Variants in GABRG3 observed in about 807,000 individuals in gnomAD.
GABRG3 encodes gamma-aminobutyric acid receptor subunit gamma-3.
GABRG3 carries 25 observed loss-of-function variants against 48.8 expected under a neutral mutation model. That is an observed-to-expected ratio of 0.51 (90% CI 0.37 to 0.72). The LOEUF (loss-of-function observed/expected upper bound fraction) is 0.72, where lower values mean the gene tolerates loss of function less well. GABRG3 is among the 30% of genes least tolerant of loss of function. The probability of loss-of-function intolerance (pLI) is 0.00; values close to 1 mark genes in which losing one functional copy is unlikely to be tolerated. For synonymous variants in GABRG3, 227 were observed against 217.6 expected (o/e 1.04, Z -0.38); for missense variants, 394 against 577.9 (o/e 0.68, Z 3.26).
chr15:27,241,782 A>G (rs1379886863), intron 3 of GABRG3, among the ~76,000 whole-genome samples: 1 of 152,162 alleles, frequency 6.6e-6, no homozygotes, highest in Non-Finnish European at 1.5e-5. Flanking sequence ...ATTTCTTCTC[A>G]CGCTATGTCT....
chr15:27,378,038 T>C (rs1475795267), intron 5 of GABRG3, among the ~76,000 whole-genome samples: 2 of 152,154 alleles, frequency 1.3e-5, no homozygotes, highest in Non-Finnish European at 2.9e-5. Flanking sequence ...TTACAGAGGA[T>C]TAACTGGCCC....
intron 3 of GABRG3, among the ~76,000 whole-genome samples, chr15:27,120,491 G>C (rs1293609156): frequency 1.3e-5 from 2 of 152,108 alleles, no homozygotes; most frequent in Non-Finnish European, 2.9e-5. Flanking sequence ...GTGGAATTCT[G>C]GCTATTGCTT....
At chr15:27,062,503 G>T (rs1182830270) in intron 3 of GABRG3, among the ~76,000 whole-genome samples, 1 of 149,188 alleles carries the variant, frequency 6.7e-6, no homozygotes, top group Admixed American at 6.9e-5. Context: ...AGCTACTCAG[G>T]AGGCTGAGGC....
chr15:27,145,665 T>TGTCTATCTATCTATC lies in GABRG3; in HGVS notation c.270+118846_270+118847insCTATCTATCTATCGT, dbSNP rs1898197231. ...TCTATCTATCTATCTATCTATCTAT[T>TGTCTATCTATCTATC]GTGCCAGAAGGAGAGGTGAGAAAGA... On this transcript the variant is annotated intron_variant, in intron 3 of 9. Coordinates refer to ENST00000615808, the MANE Select transcript of GABRG3 (RefSeq NM_033223.5). Among the ~76,000 whole-genome samples the TGTCTATCTATCTATC allele has an allele frequency of 3.6e-5, 5 of 138,444 alleles. No individual in the cohort carries two copies. In the East Asian group the frequency reaches 9.9e-4, roughly 27 times the overall value. The allele number at this position is 138,444 out of a possible 152,430, so 90.8% of individuals were successfully genotyped here. A position where few individuals can be genotyped will look rare whatever the true frequency, so the allele number is the denominator to read the frequency against.
At chr15:27,382,115 G>T in intron 5 of GABRG3, among the ~76,000 whole-genome samples, 1 of 152,266 alleles carries the variant, frequency 6.6e-6, no homozygotes, top group East Asian at 1.9e-4. Flanking sequence ...TAGATGATCC[G>T]TCTCTAAGCT....
intron 3 of GABRG3, among the ~76,000 whole-genome samples, chr15:27,222,281 C>T (rs1889477700): frequency 6.6e-6 from 1 of 152,216 alleles, no homozygotes; most frequent in Admixed American, 6.5e-5. Context: ...GCAATGCCAT[C>T]TAAGGCAGCA....
intron 8 of GABRG3, 60 bp downstream of exon 8, chr15:27,527,689 T>G: frequency 7.1e-7 from 1 of 1,410,370 alleles, no homozygotes; most frequent in Non-Finnish European, 9.8e-7. Context: ...GAGATGAGTG[T>G]GTACTTAAAT....
At chr15:27,248,265 C>T (rs1164152986) in intron 3 of GABRG3, among the ~76,000 whole-genome samples, 1 of 152,188 alleles carries the variant, frequency 6.6e-6, no homozygotes, top group Non-Finnish European at 1.5e-5. Flanking sequence ...GACCTCGCGC[C>T]CTCCTAGGAG....
intron 3 of GABRG3, among the ~76,000 whole-genome samples, chr15:27,070,353 T>C (rs1896807604): frequency 6.6e-6 from 1 of 152,204 alleles, no homozygotes; most frequent in African/African-American, 2.4e-5. Flanking sequence ...ATATGCCAAG[T>C]TGAAAATGTC....
In GABRG3 at chr15:27,500,559, G is replaced by A. The variant is rs544949867; in HGVS notation, c.713-19413G>A. Among the ~76,000 whole-genome samples, 13 of 152,366 alleles carry A rather than the reference G, an allele frequency of 8.5e-5. 1 individual carries two copies. In the South Asian group the frequency reaches 2.5e-3, roughly 29 times the overall value. On this transcript the variant is annotated intron_variant, in intron 6 of 9. Transcript: ENST00000615808. ...AGGCCCAGCACCAGCCAGACGTTAC[G>A]TAAACGTGCTAAATAAAGCAGGCCC...
At chr15:27,012,988 A>G (rs1895716996) in intron 2 of GABRG3, among the ~76,000 whole-genome samples, 1 of 152,188 alleles carries the variant, frequency 6.6e-6, no homozygotes. Flanking sequence ...AACAGTTTAT[A>G]ATACTGGAAA....
At chr15:27,354,776 C>T (rs1336261007) in intron 5 of GABRG3, among the ~76,000 whole-genome samples, 3 of 152,170 alleles carry the variant, frequency 2.0e-5, no homozygotes, top group Non-Finnish European at 4.4e-5. Context: ...CCCACAAGCT[C>T]AATGTCTATC....
chr15:26,985,196 C>G (rs1163745254), intron 2 of GABRG3, among the ~76,000 whole-genome samples: 1 of 152,224 alleles, frequency 6.6e-6, no homozygotes, highest in Non-Finnish European at 1.5e-5. Flanking sequence ...CCACACACCC[C>G]ACCTGGGCAG....
intron 3 of GABRG3, among the ~76,000 whole-genome samples, chr15:27,256,235 G>GGTCAGGAC (rs1890608788): frequency 6.6e-6 from 1 of 151,964 alleles, no homozygotes; most frequent in Admixed American, 6.6e-5. Flanking sequence ...GAGGTCAGGA[G>GGTCAGGAC]ATCAAGACCA....
chr15:27,022,022 C>T (rs151283971), intron 2 of GABRG3, among the ~76,000 whole-genome samples: 92 of 152,276 alleles, frequency 6.0e-4, no homozygotes, highest in African/African-American at 2.2e-3. Flanking sequence ...TCCATAGGCT[C>T]ATTCCTCTGG....
intron 3 of GABRG3, among the ~76,000 whole-genome samples, chr15:27,028,196 A>C (rs1161188985): frequency 6.6e-6 from 1 of 152,196 alleles, no homozygotes; most frequent in Non-Finnish European, 1.5e-5. Context: ...GCCCTGCTGC[A>C]GGAGTGGAAG....
At chr15:27,199,360 C>G (rs1250883825) in intron 3 of GABRG3, among the ~76,000 whole-genome samples, 1 of 152,100 alleles carries the variant, frequency 6.6e-6, no homozygotes, top group Non-Finnish European at 1.5e-5. Flanking sequence ...AACTTGATTC[C>G]CGTTTGATGG....
chr15:27,486,781 A>G (rs1260939554), intron 6 of GABRG3, among the ~76,000 whole-genome samples: 2 of 152,196 alleles, frequency 1.3e-5, no homozygotes, highest in African/African-American at 2.4e-5. Flanking sequence ...ATATATATAC[A>G]AATATTGCCT....
chr15:27,308,201 T>C (rs1364260119), intron 3 of GABRG3, among the ~76,000 whole-genome samples: 1 of 70,770 alleles, frequency 1.4e-5, no homozygotes, highest in East Asian at 2.7e-4. Flanking sequence ...TAAACATGTT[T>C]ATATATCCAA....
Sources: allele counts gnomAD v4.1 joint callset (sites outside exome capture counted in the v4.1 genomes callset), GRCh38; gene constraint gnomAD v4.1.1; transcripts MANE v1.5; gene names NCBI Gene and HGNC (gene_info 2026-07-23, HGNC 2026-07-21).